The following PRR14L variants were observed in gnomAD, a reference collection of about 807,000 sequenced individuals.
PRR14L encodes the protein protein PRR14L.
A neutral mutation model predicts 155.0 loss-of-function variants in PRR14L; 80 were observed. The ratio of observed to expected loss-of-function variants is 0.52; its 90% confidence interval spans 0.43 to 0.62. The LOEUF is 0.62. Ranked by LOEUF, PRR14L falls within the 20% of genes least tolerant of loss-of-function variation. The pLI, the probability that PRR14L is intolerant of heterozygous loss-of-function variation, is 0.00. For missense variants in PRR14L, 2,469 were observed against 2,548.0 expected (o/e 0.97, Z 0.67); for synonymous variants, 883 against 916.0 (o/e 0.96, Z 0.65).
chr22:31,694,191 C>A (rs1424021243), intron 7 of PRR14L, among the ~76,000 whole-genome samples: 1 of 152,068 alleles, frequency 6.6e-6, no homozygotes, highest in Admixed American at 6.6e-5. Flanking sequence ...GGAGGAGAAT[C>A]GCTTGAACTT....
At chr22:31,687,418 A>G (rs1426939486) in intron 8 of PRR14L, among the ~76,000 whole-genome samples, 1 of 145,782 alleles carries the variant, frequency 6.9e-6, no homozygotes, top group Non-Finnish European at 1.5e-5. Context: ...CAGTGGTGTG[A>G]TCTTAGCTCA....
At chr22:31,733,049 T>G (rs1014866989) in intron 2 of PRR14L, among the ~76,000 whole-genome samples, 5 of 150,690 alleles carry the variant, frequency 3.3e-5, no homozygotes, top group Non-Finnish European at 4.4e-5. Flanking sequence ...GTGACAATGG[T>G]GCAATCTCGG....
chr22:31,702,850 T>C (rs1348605661), intron 6 of PRR14L, among the ~76,000 whole-genome samples: 1 of 141,832 alleles, frequency 7.1e-6, no homozygotes. Context: ...TTTCACTCTG[T>C]CACTCAGGCT....
At chr22:31,709,149 C>T (rs974975044) in intron 4 of PRR14L, among the ~76,000 whole-genome samples, 4 of 151,850 alleles carry the variant, frequency 2.6e-5, no homozygotes, top group Non-Finnish European at 5.9e-5. Flanking sequence ...CTCTAGGTTG[C>T]CCAGGCTGGT....
chr22:31,706,700 G>A (rs1428005924), intron 4 of PRR14L, among the ~76,000 whole-genome samples: 1 of 152,070 alleles, frequency 6.6e-6, no homozygotes, highest in Non-Finnish European at 1.5e-5. Context: ...GGGATTATAG[G>A]CATGAGCCAC....
chr22:31,733,387 C>CCGCCTTCCACCT (rs2074761211), intron 2 of PRR14L, among the ~76,000 whole-genome samples: 1 of 146,826 alleles, frequency 6.8e-6, no homozygotes, highest in African/African-American at 2.5e-5. Context: ...TCACTGCAAC[C>CCGCCTTCCACCT]TCCGCCTTTG....
intron 2 of PRR14L, among the ~76,000 whole-genome samples, chr22:31,727,047 T>G (rs1051640581): frequency 1.3e-5 from 2 of 152,112 alleles, no homozygotes; most frequent in African/African-American, 4.8e-5. Context: ...CTCCTTCAGA[T>G]CCCAAAGGTC....
At chr22:31,737,409 A>T (rs1272503345) in intron 2 of PRR14L, among the ~76,000 whole-genome samples, 2 of 151,838 alleles carry the variant, frequency 1.3e-5, no homozygotes, top group Non-Finnish European at 2.9e-5. Context: ...TGAACCTGGG[A>T]GGCAGAGGTT....
chr22:31,718,175 G>A (rs1046873735), intron 3 of PRR14L, among the ~76,000 whole-genome samples: 2 of 151,510 alleles, frequency 1.3e-5, no homozygotes, highest in Non-Finnish European at 2.9e-5. Context: ...TGACCCGCCT[G>A]CCTCGGCCTC....
At position 31,693,093 on chromosome 22, in the gene PRR14L, C is replaced by T. The variant is rs549931062; in HGVS notation, c.6108-4866G>A. Among the ~76,000 whole-genome samples the T allele has an allele frequency of 1.2e-4, 18 of 152,248 alleles. No individual in the cohort carries two copies. The South Asian group carries it at 3.3e-3, about 28-fold the overall frequency. ...GTTGTACAATGAACCTATATTGATA[C>T]ATTATTATCACCCAAAAGTCCAGTT... On this transcript the variant is annotated intron_variant, in intron 7 of 8. Transcript: ENST00000327423.
intron 2 of PRR14L, among the ~76,000 whole-genome samples, chr22:31,726,221 C>T (rs1462358231): frequency 6.6e-6 from 1 of 151,876 alleles, no homozygotes; most frequent in African/African-American, 2.4e-5. Flanking sequence ...ACTTCTGCCT[C>T]ATGGGTTCAA....
chr22:31,715,906 T>C lies in PRR14L; in HGVS notation c.1933A>G (p.Lys645Glu), dbSNP rs914542798. ...LSCTNELVVNKVESECVLNQQ... is the reference protein window; with the variant it reads ...LSCTNELVVNEVESECVLNQQ... Reference sequence around the variant, plus strand: ...TTTAAAACACATTCACTTTCTACTTTGTTTACAACCAGTTCATTGGTACAA... The same window carrying C: ...TTTAAAACACATTCACTTTCTACTTCGTTTACAACCAGTTCATTGGTACAA... The change falls in exon 4 of 9, where the codon AAA (lysine) becomes GAA (glutamate). Residue 645 changes from lysine (K) to glutamate (E), a missense_variant. Physicochemically the swap from Lys to Glu is moderately conservative, Grantham distance 56. This residue lies in a region of PRR14L where 2,363 missense variants were observed against 2,371.6 expected (regional missense o/e 1.00). Transcript: ENST00000327423. 1.9e-6 allele frequency: 3 copies of C among 1,551,606 alleles called. No individual in the cohort carries two copies. Among genetic ancestry groups the C allele is most frequent in the Non-Finnish European group, 2.6e-6 (3 of 1,146,942 alleles).
chr22:31,690,372 G>A (rs905835023), intron 7 of PRR14L, among the ~76,000 whole-genome samples: 2 of 149,666 alleles, frequency 1.3e-5, no homozygotes, highest in Non-Finnish European at 3.0e-5. Flanking sequence ...TTTCGTACAG[G>A]TGGGGTTTCA....
chr22:31,685,711 T>A lies in PRR14L; in HGVS notation c.6272A>T (p.Gln2091Leu). Residue 2091 changes from glutamine (Q) to leucine (L), a missense_variant, in exon 9 of 9, where the codon CAG becomes CTG. Coordinates refer to ENST00000327423, the MANE Select transcript of PRR14L (RefSeq NM_173566.3). ...CCTCTTTCGCGGGACTGTAAAATCC[T>A]GAAATTCTAGAACTCGCTTCCTCTT... ...QQKRKRVLEF[Q>L]DFTVPRKRRA... 1 of 1,551,716 alleles carries A rather than the reference T, an allele frequency of 6.4e-7. No homozygotes were observed. Among genetic ancestry groups the A allele is most frequent in the Non-Finnish European group, 8.7e-7 (1 of 1,146,982 alleles).
chr22:31,699,359 C>T (rs1480614840), intron 7 of PRR14L, among the ~76,000 whole-genome samples: 1 of 152,158 alleles, frequency 6.6e-6, no homozygotes, highest in East Asian at 1.9e-4. Context: ...TAGTAATGCA[C>T]AGGTTGGCAC....
In PRR14L at chr22:31,735,757, G is replaced by C. The variant is rs538807245; in HGVS notation, c.474+2630C>G. 8.6e-5 allele frequency among the ~76,000 whole-genome samples: 13 copies of C among 151,546 alleles called. No individual in the cohort carries two copies. In the East Asian group the frequency reaches 2.3e-3, roughly 27 times the overall value. ...TACCTATTTAACTGTATTTTTAAAAGATAGGGCATTGGCCGGGCGCAGTGG... is the reference window on the plus strand; with the variant it reads ...TACCTATTTAACTGTATTTTTAAAACATAGGGCATTGGCCGGGCGCAGTGG... On this transcript the variant is annotated intron_variant, in intron 2 of 8. Transcript: ENST00000327423.
Position 31,713,979 on chromosome 22 carries a change from A to G in PRR14L, c.3860T>C (p.Val1287Ala), listed in dbSNP as rs559888679. 1.9e-6 allele frequency: 3 copies of G among 1,551,592 alleles called. No individual in the cohort carries two copies. The highest frequency in any genetic ancestry group is 3.9e-5 in the Admixed American group (2 of 50,998). Residue 1287 changes from valine (V) to alanine (A), a missense_variant, in exon 4 of 9, where the codon GTA becomes GCA. Physicochemically the swap from Val to Ala is moderately conservative, Grantham distance 64. Coordinates refer to ENST00000327423, the MANE Select transcript of PRR14L (RefSeq NM_173566.3). ...ACTAGAATTACTCCAATCTCTTGAT[A>G]CTATTTCCTTCATCTCAGGAAGGAC... ...CTVLPEMKEIVSRDWSNSSDR... is the reference protein window; with the variant it reads ...CTVLPEMKEIASRDWSNSSDR...
chr22:31,741,579 C>T (rs1180191450), intron 1 of PRR14L, among the ~76,000 whole-genome samples: 4 of 152,096 alleles, frequency 2.6e-5, no homozygotes, highest in Non-Finnish European at 5.9e-5. Context: ...CTTTCATAAA[C>T]AGTGCTGTAA....
chr22:31,685,616 C>G lies in PRR14L; in HGVS notation c.6367G>C (p.Glu2123Gln). The G allele has an allele frequency of 6.4e-7, 1 of 1,551,962 alleles. No individual in the cohort carries two copies. Among genetic ancestry groups the G allele is most frequent in the Non-Finnish European group, 8.7e-7 (1 of 1,147,022 alleles). The change falls in exon 9 of 9, where the codon GAG becomes CAG. Residue 2123 changes from glutamate (E) to glutamine (Q), a missense_variant. Around this residue, in one of 2 missense-constraint regions of PRR14L, gnomAD observed 106 missense variants for 176.4 expected, o/e 0.60. Coordinates refer to ENST00000327423, the MANE Select transcript of PRR14L (RefSeq NM_173566.3). Reference sequence around the variant, plus strand: ...TTCTGTATCAAAAGAGCATCCAGCTCTCGACTCTGCACAGCTGCCTTCTGG... The same window carrying G: ...TTCTGTATCAAAAGAGCATCCAGCTGTCGACTCTGCACAGCTGCCTTCTGG... ...RAQKAAVQSR[E>Q]LDALLIQKLM...
Sources: gnomAD v4.1 joint callset for allele counts (sites outside exome capture counted in the v4.1 genomes callset) on GRCh38, gnomAD v4.1.1 for gene constraint, gnomAD v4.1.1 regional missense constraint, MANE v1.5 for transcripts, NCBI Gene and HGNC (gene_info 2026-07-23, HGNC 2026-07-21) for gene names.